Variants in GRM8 observed in about 807,000 individuals in gnomAD.
The protein encoded by GRM8 is glutamate metabotropic receptor 8.
GRM8 carries 47 observed loss-of-function variants against 87.2 expected under a neutral mutation model. The ratio of observed to expected loss-of-function variants is 0.54; its 90% CI spans 0.43 to 0.69. The LOEUF (loss-of-function observed/expected upper bound fraction) is 0.69, where lower values mean the gene tolerates loss of function less well. Ranked by LOEUF, GRM8 falls within the 30% of genes least tolerant of loss-of-function variation. The pLI, the probability that GRM8 is intolerant of heterozygous loss-of-function variation, is 0.00. For synonymous variants in GRM8, 396 were observed against 404.5 expected, an observed-to-expected ratio of 0.98 and a Z score of 0.25; for missense variants, 1,019 against 1,139.2, an observed-to-expected ratio of 0.89 and a Z score of 1.52.
intron 3 of GRM8, among the ~76,000 whole-genome samples, chr7:127,055,930 T>C (rs1819938031): frequency 6.6e-6 from 1 of 152,198 alleles, no homozygotes; most frequent in Non-Finnish European, 1.5e-5. Flanking sequence ...ATGATTTCTG[T>C]ACAAATAAAT....
At chr7:127,229,236 C>T (rs540212787) in intron 2 of GRM8, 6 of 152,314 alleles carry the variant, frequency 3.9e-5, no homozygotes, top group South Asian at 4.1e-4. Context: ...GCTCCACATG[C>T]AGACCCTTGG....
chr7:126,875,441 G>A (rs976554310), intron 6 of GRM8, among the ~76,000 whole-genome samples: 21 of 152,234 alleles, frequency 1.4e-4, no homozygotes, highest in Middle Eastern at 6.8e-3. Context: ...CTCCGCATTG[G>A]TGTCTCCTTA....
At chr7:126,907,174 G>T (rs929202219) in intron 3 of GRM8, among the ~76,000 whole-genome samples, 3 of 146,482 alleles carry the variant, frequency 2.0e-5, no homozygotes, top group African/African-American at 7.4e-5. Context: ...AGACAAGGAG[G>T]AGGAAATGGA....
intron 3 of GRM8, among the ~76,000 whole-genome samples, chr7:126,923,242 G>T (rs1178136590): frequency 1.3e-5 from 2 of 151,972 alleles, no homozygotes; most frequent in African/African-American, 4.8e-5. Context: ...AATATTTTTA[G>T]GAACAAAATC....
chr7:126,696,037 G>C (rs139566545), intron 7 of GRM8, among the ~76,000 whole-genome samples: 83 of 152,258 alleles, frequency 5.5e-4, no homozygotes, highest in African/African-American at 1.9e-3. Context: ...TTACAACCAG[G>C]TAAAATGTGA....
chr7:127,214,168 G>C (rs891459868), intron 2 of GRM8, among the ~76,000 whole-genome samples: 1 of 152,108 alleles, frequency 6.6e-6, no homozygotes, highest in Non-Finnish European at 1.5e-5. Flanking sequence ...CAGGATACTT[G>C]CATAATAGTC....
intron 7 of GRM8, among the ~76,000 whole-genome samples, chr7:126,624,970 G>A (rs1800532515): frequency 6.6e-6 from 1 of 152,182 alleles, no homozygotes; most frequent in African/African-American, 2.4e-5. Context: ...GCATAATTGT[G>A]TGAGTATAAA....
intron 7 of GRM8, among the ~76,000 whole-genome samples, chr7:126,766,407 C>T (rs1203897683): frequency 1.3e-5 from 2 of 152,056 alleles, no homozygotes; most frequent in African/African-American, 4.8e-5. Context: ...TCAAAAAGAA[C>T]TAATTTAACA....
chr7:127,249,157 C>T (rs904303779), intron 1 of GRM8, among the ~76,000 whole-genome samples: 1 of 152,186 alleles, frequency 6.6e-6, no homozygotes, highest in Non-Finnish European at 1.5e-5. Context: ...ATTGGCAACA[C>T]ATGTGTCCAA....
At chr7:126,476,687 C>T (rs1335214397) in intron 9 of GRM8, among the ~76,000 whole-genome samples, 1 of 151,896 alleles carries the variant, frequency 6.6e-6, no homozygotes, top group Non-Finnish European at 1.5e-5. Context: ...ATCAAAACAA[C>T]AATGACACAT....
rs80123533 is a variant in GRM8 at position 126,457,332 on chromosome 7, G to C, written c.2431-10960C>G. Among the ~76,000 whole-genome samples the C allele has an allele frequency of 1.3e-5, 2 of 151,398 alleles. 1 individual carries two copies. The highest frequency in any genetic ancestry group is 4.2e-4 in the South Asian group (2 of 4,808). ...ATGAATCTTAAGTCCTAGAAAGAAA[G>C]GAGAGATATAATAGATAAAAAGAAA... On this transcript the variant is annotated intron_variant, in intron 9 of 10. Transcript: ENST00000339582.
At chr7:127,092,259 C>G (rs1349871862) in intron 3 of GRM8, among the ~76,000 whole-genome samples, 1 of 151,966 alleles carries the variant, frequency 6.6e-6, no homozygotes, top group Admixed American at 6.6e-5. Flanking sequence ...AATGGTCTTT[C>G]TTTTGAATAA....
chr7:127,096,748 C>T (rs1824695776), intron 3 of GRM8, among the ~76,000 whole-genome samples: 4 of 152,110 alleles, frequency 2.6e-5, no homozygotes, highest in Non-Finnish European at 5.9e-5. Flanking sequence ...GGAACATAAA[C>T]CCAGCCAGTG....
chr7:126,538,105 G>A (rs1816059041), intron 8 of GRM8, among the ~76,000 whole-genome samples: 1 of 152,136 alleles, frequency 6.6e-6, no homozygotes, highest in African/African-American at 2.4e-5. Flanking sequence ...TACCAATAGT[G>A]ATTTATTCAA....
intron 3 of GRM8, among the ~76,000 whole-genome samples, chr7:127,069,231 C>T (rs545719866): frequency 5.3e-5 from 8 of 152,216 alleles, no homozygotes; most frequent in Non-Finnish European, 7.3e-5. Context: ...GGCACGATCT[C>T]AGCTCACTAC....
intron 7 of GRM8, among the ~76,000 whole-genome samples, chr7:126,760,668 G>A (rs775718460): frequency 1.3e-5 from 2 of 152,114 alleles, no homozygotes; most frequent in African/African-American, 2.4e-5. Flanking sequence ...GCAATAAGCA[G>A]AGACTTCAAG....
chr7:126,715,476 A>G (rs1210689310), intron 7 of GRM8, among the ~76,000 whole-genome samples: 1 of 152,358 alleles, frequency 6.6e-6, no homozygotes, highest in African/African-American at 2.4e-5. Context: ...TTTAACTTTT[A>G]TAATAGATTC....
chr7:126,964,356 T>C (rs1421657495), intron 3 of GRM8, among the ~76,000 whole-genome samples: 2 of 152,086 alleles, frequency 1.3e-5, no homozygotes, highest in East Asian at 1.9e-4. Context: ...GAAGAAACTA[T>C]CATCAGAGTG....
intron 2 of GRM8, among the ~76,000 whole-genome samples, chr7:127,201,722 T>G (rs17863238): frequency 0.024 from 3,701 of 152,230 alleles, 71 homozygotes; most frequent in Non-Finnish European, 0.036. Context: ...TCAACTAGAG[T>G]AACCCTCTAG....
Sources: allele counts gnomAD v4.1 joint callset (sites outside exome capture counted in the v4.1 genomes callset), GRCh38; gene constraint gnomAD v4.1.1; transcripts MANE v1.5; gene names NCBI Gene and HGNC (gene_info 2026-07-23, HGNC 2026-07-21).